OTOG: variants seen among roughly 807,000 people sequenced by gnomAD.
OTOG encodes otogelin.
In OTOG, 296 loss-of-function variants were observed where a neutral mutation model predicts 313.8. The observed-to-expected ratio is 0.94, with a 90% confidence interval of 0.86 to 1.04. The LOEUF (loss-of-function observed/expected upper bound fraction) is 1.04. OTOG is among the 50% of genes least tolerant of loss of function. The pLI is 0.00. For synonymous variants in OTOG, 1,533 were observed against 1,554.9 expected (o/e 0.99, Z 0.33); for missense variants, 3,948 against 3,840.1 (o/e 1.03, Z -0.74).
At chr11:17,555,120 T>C (rs1852024468) in intron 6 of OTOG, among the ~76,000 whole-genome samples, 1 of 152,056 alleles carries the variant, frequency 6.6e-6, no homozygotes, top group Non-Finnish European at 1.5e-5. Flanking sequence ...AGGGATAAGC[T>C]CTGGGAAGCT....
intron 15 of OTOG, among the ~76,000 whole-genome samples, chr11:17,564,352 T>C (rs753912676): frequency 3.1e-4 from 47 of 152,068 alleles, no homozygotes; most frequent in Non-Finnish European, 3.8e-4. Flanking sequence ...GAAAAAAGGA[T>C]CAGGGAAAAC....
Position 17,609,717 on chromosome 11 carries a change from C to T in OTOG, c.4417C>T (p.Gln1473Ter). 1 of 1,538,510 alleles carries T rather than the reference C, an allele frequency of 6.5e-7. No homozygotes were observed. Among genetic ancestry groups the T allele is most frequent in the South Asian group, 1.2e-5 (1 of 81,826 alleles). ...TGGCAATGAGACCCTCCCTCCCAGTCAAGGGTTGCCCACTCCCAGTGATGA... is the reference window on the plus strand; with the variant it reads ...TGGCAATGAGACCCTCCCTCCCAGTTAAGGGTTGCCCACTCCCAGTGATGA... ...ALGNETLPPSQGLPTPSDEEP... is the reference protein window; with the variant it reads ...ALGNETLPPS The change falls in exon 36 of 56, where the codon CAA (glutamine) becomes TAA (stop). Residue 1473 changes from glutamine to a stop codon, truncating the protein, a stop_gained. Coordinates refer to ENST00000399397, the MANE Select transcript of OTOG (RefSeq NM_001292063.2). LOFTEE classifies it high-confidence loss of function.
intron 15 of OTOG, among the ~76,000 whole-genome samples, chr11:17,566,705 G>A (rs1019579786): frequency 3.9e-5 from 6 of 152,144 alleles, no homozygotes; most frequent in African/African-American, 7.2e-5. Context: ...TATTATTAAC[G>A]CATACCTCTA....
At chr11:17,616,811 A>G (rs1853732700) in intron 39 of OTOG, among the ~76,000 whole-genome samples, 1 of 152,198 alleles carries the variant, frequency 6.6e-6, no homozygotes, top group Admixed American at 6.5e-5. Flanking sequence ...AAACAGAGAC[A>G]GTTTTATTTC....
At position 17,602,310 on chromosome 11, in the gene OTOG, G is replaced by C; in HGVS notation, c.3810G>C (p.Glu1270Asp). ...VGDDIVLVRT[E>D]DVAPADIVSF... is the part of the protein sequence containing the mutation. ...ATGACATAGTCCTAGTGAGGACAGAGGATGTGGCGCCAGCAGACATTGTGA... is the reference window on the plus strand; with the variant it reads ...ATGACATAGTCCTAGTGAGGACAGACGATGTGGCGCCAGCAGACATTGTGA... Residue 1270 changes from glutamate (E) to aspartate (D), a missense_variant, in exon 32 of 56, where the codon GAG (glutamate) becomes GAC (aspartate). Glu to Asp is a conservative substitution (Grantham distance 45, BLOSUM62 2). Transcript: ENST00000399397. The C allele has an allele frequency of 1.3e-6, 2 of 1,550,626 alleles. No homozygotes were observed. The highest frequency in any genetic ancestry group is 1.7e-6 in the Non-Finnish European group (2 of 1,146,968).
chr11:17,633,643 G>T lies in OTOG; in HGVS notation c.7073-37G>T, dbSNP rs1235848535. ...CCCTCAGTGGGGAGCCCTGCCTGGG[G>T]TCTGAGGTAGGCCTGGTGCCCACTG... On this transcript the variant is annotated intron_variant, in intron 42 of 55. Coordinates refer to ENST00000399397, the MANE Select transcript of OTOG (RefSeq NM_001292063.2). The T allele has an allele frequency of 4.0e-6, 6 of 1,483,250 alleles. No individual in the cohort carries two copies. The South Asian group carries it at 8.3e-5, about 20-fold the overall frequency. The allele number at this position is 1,483,250 out of a possible 1,614,324, so 91.9% of individuals were successfully genotyped here. A position where few individuals can be genotyped will look rare whatever the true frequency, so the allele number is the denominator to read the frequency against.
At chr11:17,554,686 G>C (rs1262044167) in intron 6 of OTOG, among the ~76,000 whole-genome samples, 1 of 152,216 alleles carries the variant, frequency 6.6e-6, no homozygotes, top group African/African-American at 2.4e-5. Context: ...GCCCTGGATG[G>C]GCGGGGAACT....
rs567966154 is a variant in OTOG, at chr11:17,640,936, C to T, written c.8035C>T (p.Arg2679Cys). The change falls in exon 51 of 56, where the codon CGC becomes TGC. Residue 2679 changes from arginine to cysteine, a missense_variant. Arg to Cys is a radical substitution (Grantham distance 180). Transcript: ENST00000399397. ...ECVKAPVCLS[R>C]ELGVMQPGQT... is the part of the protein sequence containing the mutation. ...AGTGAAGGCCCCGGTGTGTCTGAGCCGCGAGCTGGGTGTGATGCAGCCCGG... is the reference window on the plus strand; with the variant it reads ...AGTGAAGGCCCCGGTGTGTCTGAGCTGCGAGCTGGGTGTGATGCAGCCCGG... 1,308 of 1,548,288 alleles carry T rather than the reference C, an allele frequency of 8.4e-4. 5 individuals carry two copies. The African/African-American group carries it at 0.013, about 15-fold the overall frequency.
At chr11:17,555,138 CT>C (rs2134001254) in intron 6 of OTOG, among the ~76,000 whole-genome samples, 2 of 152,262 alleles carry the variant, frequency 1.3e-5, no homozygotes, top group Admixed American at 1.3e-4. Context: ...GCTCTCCCCT[CT>C]ACCCCACCCC....
At chr11:17,603,225 G>A (rs570950424) in intron 32 of OTOG, among the ~76,000 whole-genome samples, 1 of 152,254 alleles carries the variant, frequency 6.6e-6, no homozygotes, top group African/African-American at 2.4e-5. Context: ...GGAGGCCTGG[G>A]AGTGAGGAGT....
At chr11:17,644,460 G>A (rs966997282) in intron 54 of OTOG, among the ~76,000 whole-genome samples, 4 of 152,232 alleles carry the variant, frequency 2.6e-5, no homozygotes, top group Admixed American at 1.3e-4. Flanking sequence ...GTGAGTGCAC[G>A]TACCTGGCAA....
intron 39 of OTOG, among the ~76,000 whole-genome samples, chr11:17,624,341 G>C (rs1463367687): frequency 6.6e-6 from 1 of 152,196 alleles, no homozygotes; most frequent in African/African-American, 2.4e-5. Flanking sequence ...ATGGCGTAAG[G>C]AAGGGGTCCC....
At chr11:17,606,888 C>G (rs1853403364) in intron 33 of OTOG, among the ~76,000 whole-genome samples, 1 of 152,158 alleles carries the variant, frequency 6.6e-6, no homozygotes, top group Non-Finnish European at 1.5e-5. Context: ...TCGAGTCTGC[C>G]CTTAAACTTG....
chr11:17,570,267 T>A lies in OTOG; in HGVS notation c.1832T>A (p.Val611Glu), dbSNP rs1181120245. ...GTGTTCCTGCGGGTGAGGACGAACG[T>A]GGGCGTGCGGGTGCTCTACGACCGT... ...SSVFLRVRTNVGVRVLYDREG... is the reference protein window; with the variant it reads ...SSVFLRVRTNEGVRVLYDREG... The change falls in exon 17 of 56, where the codon GTG becomes GAG. Residue 611 changes from valine (V) to glutamate (E), a missense_variant. Physicochemically the swap from Val to Glu is moderately radical, Grantham distance 121. Coordinates refer to ENST00000399397, the MANE Select transcript of OTOG (RefSeq NM_001292063.2). 40 of 1,550,870 alleles carry A rather than the reference T, an allele frequency of 2.6e-5. No individual in the cohort carries two copies. In the East Asian group the frequency reaches 9.3e-4, roughly 36 times the overall value.
In OTOG at chr11:17,551,983, C is replaced by T. The variant is rs1233110044; in HGVS notation, c.217-17C>T. 6.5e-7 allele frequency: 1 copy of T among 1,550,078 alleles called. No individual in the cohort carries two copies. The highest frequency in any genetic ancestry group is 8.7e-7 in the Non-Finnish European group (1 of 1,146,586). The stretch of plus-strand genomic sequence containing the variant: ...AGGTCAGCCCTCGATGTGTTCTCTT[C>T]CTCCTGTCTTCACAAGCAGGCTGAA... On this transcript the variant is annotated splice_polypyrimidine_tract_variant and intron_variant, in intron 3 of 55. Transcript: ENST00000399397.
In OTOG at chr11:17,606,015, G is replaced by C; in HGVS notation, c.4036G>C (p.Val1346Leu). The C allele has an allele frequency of 6.4e-7, 1 of 1,550,576 alleles. No individual in the cohort carries two copies. Among genetic ancestry groups the C allele is most frequent in the Non-Finnish European group, 8.7e-7 (1 of 1,146,996 alleles). The change falls in exon 33 of 56, where the codon GTG becomes CTG. Residue 1346 changes from valine to leucine, a missense_variant. By Grantham distance (32) the Val-to-Leu change is conservative. Transcript: ENST00000399397. Reference sequence around the variant, plus strand: ...CCGGGGGACACGGCAGGCAGGCCTGGTGGCCCTGGAGTCCCTGGCCAAGCC... The same window carrying C: ...CCGGGGGACACGGCAGGCAGGCCTGCTGGCCCTGGAGTCCCTGGCCAAGCC... ...LHRGTRQAGL[V>L]ALESLAKPSS...
In OTOG at chr11:17,605,915, A is replaced by T; in HGVS notation, c.3936A>T (p.Thr1312=). Reference sequence around the variant, plus strand: ...GACCCAACTTCTTCCTTCACGTCACAGCCAACGGGTCTCTGGAGCTGGCTA... The same window carrying T: ...GACCCAACTTCTTCCTTCACGTCACTGCCAACGGGTCTCTGGAGCTGGCTA... The part of the protein sequence containing the change: ...ADRPNFFLHV[T]ANGSLELAKW... The change falls in exon 33 of 56, where the codon ACA becomes ACT. Residue 1312 remains threonine, a synonymous_variant. Coordinates refer to ENST00000399397, the MANE Select transcript of OTOG (RefSeq NM_001292063.2). 6.4e-7 allele frequency: 1 copy of T among 1,550,422 alleles called. No homozygotes were observed. The highest frequency in any genetic ancestry group is 1.4e-5 in the African/African-American group (1 of 73,158).
rs914926596 is a variant in OTOG at position 17,557,167 on chromosome 11, G to A, written c.709G>A (p.Gly237Ser). 1.1e-5 allele frequency: 17 copies of A among 1,550,478 alleles called. No individual in the cohort carries two copies. The highest frequency in any genetic ancestry group is 3.3e-4 in the Middle Eastern group (2 of 6,014). Residue 237 changes from glycine (G) to serine (S), a missense_variant, in exon 8 of 56, where the codon GGC becomes AGC. Gly to Ser is a moderately conservative substitution (Grantham distance 56, BLOSUM62 0). Transcript: ENST00000399397. ...MGSARLQQLA[G>S]YVIVRHQSAF... is the part of the protein sequence containing the mutation. ...GAGCGCGCGTCTGCAGCAGCTTGCC[G>A]GCTATGTCATCGTGCGGCATCAGTC...
At chr11:17,567,907 CTTTTCTTTTCT>C (rs1852321503) in intron 15 of OTOG, among the ~76,000 whole-genome samples, 1 of 144,818 alleles carries the variant, frequency 6.9e-6, no homozygotes, top group African/African-American at 2.5e-5. Context: ...CTTTTCTTTT[CTTTTCTTTTCT>C]TTTTTTTGAG....
Sources: gnomAD v4.1 joint callset for allele counts (sites outside exome capture counted in the v4.1 genomes callset) on GRCh38, gnomAD v4.1.1 for gene constraint, MANE v1.5 for transcripts, NCBI Gene and HGNC (gene_info 2026-07-23, HGNC 2026-07-21) for gene names.